The following RIMS1 variants were observed in gnomAD, a reference collection of about 807,000 sequenced individuals.
RIMS1 encodes regulating synaptic membrane exocytosis protein 1.
RIMS1 carries 83 observed loss-of-function variants against 214.1 expected under a neutral mutation model. That is an observed-to-expected ratio of 0.39 (90% CI 0.32 to 0.47). RIMS1 has a LOEUF of 0.47. Among genes scored for constraint, RIMS1 ranks in the 20% least tolerant of loss-of-function variants. RIMS1 has a pLI of 0.99. For missense variants in RIMS1, 2,050 were observed against 2,161.8 expected, an observed-to-expected ratio of 0.95 and a Z score of 1.03; for synonymous variants, 793 against 786.8, an observed-to-expected ratio of 1.01 and a Z score of -0.13.
intron 29 of RIMS1, among the ~76,000 whole-genome samples, chr6:72,346,778 G>A (rs746036610): frequency 1.3e-5 from 2 of 151,804 alleles, no homozygotes; most frequent in Non-Finnish European, 2.9e-5. Context: ...AAATTTTTAT[G>A]TCAATAAACA....
intron 26 of RIMS1, among the ~76,000 whole-genome samples, chr6:72,296,611 G>A (rs1220218766): frequency 6.6e-6 from 1 of 151,906 alleles, no homozygotes; most frequent in Non-Finnish European, 1.5e-5. Flanking sequence ...TTTCTGTTCA[G>A]AGTTGCTGTT....
intron 4 of RIMS1, among the ~76,000 whole-genome samples, chr6:72,171,860 A>G (rs1344730415): frequency 1.3e-5 from 2 of 152,228 alleles, no homozygotes; most frequent in South Asian, 4.1e-4. Context: ...CTGAGAGATC[A>G]AGAAAGACAA....
At chr6:72,330,744 G>C (rs527363164) in intron 28 of RIMS1, among the ~76,000 whole-genome samples, 1 of 151,714 alleles carries the variant, frequency 6.6e-6, no homozygotes, top group East Asian at 1.9e-4. Context: ...TAAGAAATGG[G>C]GCAGTAGAAA....
intron 29 of RIMS1, among the ~76,000 whole-genome samples, chr6:72,343,184 C>G (rs1157433967): frequency 1.3e-5 from 2 of 151,772 alleles, no homozygotes; most frequent in African/African-American, 2.4e-5. Flanking sequence ...CATCCCCTGC[C>G]TTTGTGCATC....
chr6:72,147,366 C>T (rs2042895790), intron 4 of RIMS1, among the ~76,000 whole-genome samples: 2 of 152,130 alleles, frequency 1.3e-5, no homozygotes, highest in Admixed American at 1.3e-4. Context: ...GATTACTGGC[C>T]TCAGGGTGGA....
intron 13 of RIMS1, 132 bp downstream of exon 13, chr6:72,250,592 A>G (rs2072818720): frequency 6.2e-6 from 4 of 645,136 alleles, no homozygotes; most frequent in Non-Finnish European, 9.9e-6. Context: ...TATCTCTGAA[A>G]AAAGAAGTCC....
At chr6:72,008,480 C>T (rs1455165175) in intron 2 of RIMS1, among the ~76,000 whole-genome samples, 3 of 152,136 alleles carry the variant, frequency 2.0e-5, no homozygotes, top group African/African-American at 7.2e-5. Context: ...ACAATATTAA[C>T]GTTCAATGTA....
At chr6:72,202,808 C>CA (rs2052238723) in intron 6 of RIMS1, among the ~76,000 whole-genome samples, 1 of 142,096 alleles carries the variant, frequency 7.0e-6, no homozygotes, top group South Asian at 2.3e-4. Flanking sequence ...TAGCCAGAGA[C>CA]TGATAACCCA....
chr6:71,982,939 G>A (rs756311990), intron 2 of RIMS1, among the ~76,000 whole-genome samples: 1 of 152,018 alleles, frequency 6.6e-6, no homozygotes, highest in African/African-American at 2.4e-5. Context: ...TGGTCTAAAT[G>A]TTTTACAAAA....
chr6:72,355,720 C>T (rs950892944), intron 29 of RIMS1, among the ~76,000 whole-genome samples: 1 of 152,032 alleles, frequency 6.6e-6, no homozygotes, highest in African/African-American at 2.4e-5. Flanking sequence ...ATCTAGTTTC[C>T]CAGTGGTTTA....
At chr6:72,149,452 C>T (rs2043209331) in intron 4 of RIMS1, among the ~76,000 whole-genome samples, 1 of 152,042 alleles carries the variant, frequency 6.6e-6, no homozygotes. Flanking sequence ...TTCCTCAGGA[C>T]CTTATTCTGA....
chr6:72,283,593 C>CA lies in RIMS1; in HGVS notation c.3483-446dup, dbSNP rs202142090. Among the ~76,000 whole-genome samples, 855 of 151,822 alleles carry CA rather than the reference C, an allele frequency of 5.6e-3. 9 individuals carry two copies. Among genetic ancestry groups the CA allele is most frequent in the African/African-American group, 0.02 (825 of 41,402 alleles). On this transcript the variant is annotated intron_variant, in intron 23 of 33. Transcript: ENST00000521978. ...TCTTCACAATTTGTGGGGGACAAAT[C>CA]AAAAAAAATCTTTGTAGCACCAAGT...
chr6:72,112,247 A>T (rs1199273943), intron 4 of RIMS1, among the ~76,000 whole-genome samples: 1 of 152,080 alleles, frequency 6.6e-6, no homozygotes, highest in Non-Finnish European at 1.5e-5. Context: ...CTTTCGCCAA[A>T]CTGGTCCAAG....
chr6:71,950,638 G>C (rs985999688), intron 1 of RIMS1, among the ~76,000 whole-genome samples: 2 of 152,136 alleles, frequency 1.3e-5, no homozygotes, highest in Non-Finnish European at 2.9e-5. Context: ...AATAATTTTG[G>C]AAGTTTCTTC....
At chr6:72,139,079 G>A (rs2041757998) in intron 4 of RIMS1, among the ~76,000 whole-genome samples, 2 of 152,046 alleles carry the variant, frequency 1.3e-5, no homozygotes, top group South Asian at 4.1e-4. Flanking sequence ...CACACACGTA[G>A]GTATACATAA....
chr6:72,189,313 A>G (rs1650835824), intron 6 of RIMS1, among the ~76,000 whole-genome samples: 1 of 152,218 alleles, frequency 6.6e-6, no homozygotes, highest in Admixed American at 6.5e-5. Context: ...CAGCTGCTTC[A>G]GGATGATGGG....
At chr6:72,286,978 G>A (rs1309348875) in intron 24 of RIMS1, among the ~76,000 whole-genome samples, 2 of 152,144 alleles carry the variant, frequency 1.3e-5, no homozygotes, top group African/African-American at 2.4e-5. Flanking sequence ...TATATTTTTT[G>A]TGTCAAGCCA....
At chr6:72,361,096 C>CTTTTTTTTTTTT (rs70994124) in intron 29 of RIMS1, among the ~76,000 whole-genome samples, 3 of 54,386 alleles carry the variant, frequency 5.5e-5, no homozygotes, top group Admixed American at 2.3e-4. Flanking sequence ...GTCTTTCTTT[C>CTTTTTTTTTTTT]TTTTTTTTTT....
intron 27 of RIMS1, among the ~76,000 whole-genome samples, chr6:72,309,200 C>T (rs1308696050): frequency 1.3e-5 from 2 of 151,976 alleles, no homozygotes; most frequent in Admixed American, 6.6e-5. Context: ...ATTAATTAGT[C>T]GATCCAAAAA....
Sources: allele counts gnomAD v4.1 joint callset (sites outside exome capture counted in the v4.1 genomes callset), GRCh38; gene constraint gnomAD v4.1.1; transcripts MANE v1.5; gene names NCBI Gene and HGNC (gene_info 2026-07-23, HGNC 2026-07-21).